The following SCFD2 variants were observed in gnomAD, a reference collection of about 807,000 sequenced individuals.
SCFD2 encodes the protein sec1 family domain containing 2.
SCFD2 carries 54 observed loss-of-function variants against 58.9 expected under a neutral mutation model. The ratio of observed to expected loss-of-function variants is 0.92; its 90% confidence interval spans 0.74 to 1.15. The LOEUF is 1.15. Among genes scored for constraint, SCFD2 ranks in the 50% most tolerant of loss-of-function variants. The pLI is 0.00. For missense variants in SCFD2, 805 were observed against 836.6 expected, an observed-to-expected ratio of 0.96 and a Z score of 0.47; for synonymous variants, 321 against 335.9, an observed-to-expected ratio of 0.96 and a Z score of 0.49.
At chr4:52,895,620 C>A (rs1016964735) in intron 7 of SCFD2, among the ~76,000 whole-genome samples, 1 of 152,024 alleles carries the variant, frequency 6.6e-6, no homozygotes, top group Non-Finnish European at 1.5e-5. Context: ...TGAATAGTGC[C>A]GCAATAAACA....
At chr4:52,948,440 A>G in intron 5 of SCFD2, 1 of 449,844 alleles carries the variant, frequency 2.2e-6, no homozygotes, top group Non-Finnish European at 4.5e-6. Flanking sequence ...TTGAACTCTC[A>G]GCCTCAGTTT....
chr4:53,347,131 A>G (rs1438640700), intron 2 of SCFD2, among the ~76,000 whole-genome samples: 2 of 152,210 alleles, frequency 1.3e-5, no homozygotes, highest in Admixed American at 1.3e-4. Context: ...TTCTCCAGAT[A>G]TATTTAATGT....
At chr4:52,926,672 C>T (rs1719871799) in intron 5 of SCFD2, among the ~76,000 whole-genome samples, 1 of 152,134 alleles carries the variant, frequency 6.6e-6, no homozygotes, top group African/African-American at 2.4e-5. Context: ...TTTCTACTGG[C>T]CTGAGTTTGA....
At chr4:53,364,916 G>T (rs1734648942) in intron 1 of SCFD2, among the ~76,000 whole-genome samples, 188 bp downstream of exon 1, 1 of 152,216 alleles carries the variant, frequency 6.6e-6, no homozygotes, top group African/African-American at 2.4e-5. Context: ...TATTGTAATT[G>T]CTAATTCACC....
chr4:52,964,713 T>C (rs550724538), intron 5 of SCFD2, among the ~76,000 whole-genome samples: 114 of 133,306 alleles, frequency 8.6e-4, no homozygotes, highest in African/African-American at 2.0e-3. Context: ...CACACACACA[T>C]ACACAAGGAC....
At chr4:53,208,963 A>G (rs1214459843) in intron 4 of SCFD2, among the ~76,000 whole-genome samples, 1 of 151,992 alleles carries the variant, frequency 6.6e-6, no homozygotes, top group Non-Finnish European at 1.5e-5. Flanking sequence ...TTTCTAACAA[A>G]CCCTAGTTTG....
At chr4:53,162,206 G>A (rs907383098) in intron 4 of SCFD2, among the ~76,000 whole-genome samples, 4 of 151,516 alleles carry the variant, frequency 2.6e-5, no homozygotes, top group African/African-American at 9.7e-5. Flanking sequence ...TTGCAACTCT[G>A]ATCAGGCAAC....
Position 52,885,764 on chromosome 4 carries a change from A to T in SCFD2, c.1945T>A (p.Leu649Met). ...CTCAGTACCTGGGTTCCTGGCTTCA[A>T]CGATGCCACAAGATCTTTGACCATT... is the stretch of plus-strand genomic sequence containing the variant. ...VKMVKDLVAS[L>M]KPGTQVIVLS... Residue 649 changes from leucine to methionine, a missense_variant, in exon 8 of 9, where the codon TTG becomes ATG. Physicochemically the swap from Leu to Met is conservative, Grantham distance 15. Coordinates refer to ENST00000401642, the MANE Select transcript of SCFD2 (RefSeq NM_152540.4). 6.2e-7 allele frequency: 1 copy of T among 1,614,026 alleles called. No individual in the cohort carries two copies. Among genetic ancestry groups the T allele is most frequent in the Non-Finnish European group, 8.5e-7 (1 of 1,179,928 alleles).
intron 5 of SCFD2, among the ~76,000 whole-genome samples, chr4:53,034,859 T>C (rs1409218067): frequency 6.6e-6 from 1 of 152,210 alleles, no homozygotes; most frequent in Non-Finnish European, 1.5e-5. Context: ...TCCATGCTCA[T>C]GGATAGGAAG....
chr4:52,885,348 C>T (rs1718712906), intron 8 of SCFD2, among the ~76,000 whole-genome samples: 1 of 152,118 alleles, frequency 6.6e-6, no homozygotes, highest in Non-Finnish European at 1.5e-5. Context: ...GATAACAGTA[C>T]CTTAGCCCCA....
At chr4:53,364,013 A>G (rs1288162736) in intron 1 of SCFD2, among the ~76,000 whole-genome samples, 1 of 152,158 alleles carries the variant, frequency 6.6e-6, no homozygotes, top group East Asian at 1.9e-4. Context: ...AAGTAACAGT[A>G]ATATATAGCA....
intron 5 of SCFD2, among the ~76,000 whole-genome samples, chr4:53,074,052 G>A (rs536828789): frequency 1.3e-5 from 2 of 152,126 alleles, no homozygotes; most frequent in Non-Finnish European, 2.9e-5. Context: ...TAGCATGTAA[G>A]CACCACAGTA....
chr4:53,014,318 G>A (rs73149170), intron 5 of SCFD2, among the ~76,000 whole-genome samples: 2,183 of 152,306 alleles, frequency 0.014, 46 homozygotes, highest in African/African-American at 0.05. Flanking sequence ...TGTTAGTTAC[G>A]CACTGAAGGG....
intron 5 of SCFD2, among the ~76,000 whole-genome samples, chr4:53,091,843 C>T (rs56259272): frequency 0.14 from 21,914 of 152,130 alleles, 2,233 homozygotes; most frequent in African/African-American, 0.29. Context: ...CTAGATCATG[C>T]TCACTTCCCA....
At chr4:53,298,062 C>T (rs545513064) in intron 3 of SCFD2, among the ~76,000 whole-genome samples, 7 of 152,182 alleles carry the variant, frequency 4.6e-5, no homozygotes, top group African/African-American at 7.2e-5. Context: ...ACTGAGGTAC[C>T]GGGCTCATCA....
chr4:52,880,952 C>T (rs1237773386), intron 8 of SCFD2, among the ~76,000 whole-genome samples: 2 of 152,268 alleles, frequency 1.3e-5, no homozygotes, highest in Non-Finnish European at 2.9e-5. Context: ...GTGTTGGGCA[C>T]ATGCGGATCA....
chr4:53,222,553 A>C (rs1729078756), intron 4 of SCFD2, among the ~76,000 whole-genome samples: 1 of 152,230 alleles, frequency 6.6e-6, no homozygotes, highest in Non-Finnish European at 1.5e-5. Context: ...TTTTAATGAC[A>C]GTTCTAGGGA....
intron 5 of SCFD2, among the ~76,000 whole-genome samples, chr4:53,140,287 T>C (rs1726089881): frequency 6.7e-6 from 1 of 150,240 alleles, no homozygotes; most frequent in Admixed American, 6.6e-5. Context: ...AATTATTGAA[T>C]CTGTACTGGT....
rs754101699 is a variant in SCFD2, at chr4:53,363,826, CAAA to C, written c.838+1275_838+1277del. ...TGGGCGACAGAGAGAGACTCCGTCTCAAAAAAAAAAAAAAAAAAGCATTACCTA... is the reference window on the plus strand; with the variant it reads ...TGGGCGACAGAGAGAGACTCCGTCTCAAAAAAAAAAAAAAAGCATTACCTA... On this transcript the variant is annotated intron_variant, in intron 1 of 8. Coordinates refer to ENST00000401642, the MANE Select transcript of SCFD2 (RefSeq NM_152540.4). 1.6e-4 allele frequency among the ~76,000 whole-genome samples: 17 copies of C among 107,184 alleles called. 1 individual carries two copies. The highest frequency in any genetic ancestry group is 5.1e-3 in the Middle Eastern group (1 of 198). 70.3% of individuals were successfully genotyped at this position (107,184 alleles called of 152,430 possible).
Sources: gnomAD v4.1 joint callset for allele counts (sites outside exome capture counted in the v4.1 genomes callset) on GRCh38, gnomAD v4.1.1 for gene constraint, MANE v1.5 for transcripts, NCBI Gene and HGNC (gene_info 2026-07-23, HGNC 2026-07-21) for gene names.